Variants in CALB2 observed in about 807,000 individuals in gnomAD.
CALB2 encodes calbindin 2.
In CALB2, 34 loss-of-function variants were observed where a neutral mutation model predicts 45.9. That is an observed-to-expected ratio of 0.74 (90% confidence interval 0.56 to 0.99). The LOEUF is 0.99. CALB2 is among the 50% of genes least tolerant of loss of function. The pLI, the probability that CALB2 is intolerant of heterozygous loss-of-function variation, is 0.00. For synonymous variants in CALB2, 142 were observed against 129.6 expected (o/e 1.10, Z -0.65); for missense variants, 344 against 339.3 (o/e 1.01, Z -0.11).
At chr16:71,373,092 C>A (rs2042371309) in intron 2 of CALB2, among the ~76,000 whole-genome samples, 1 of 152,172 alleles carries the variant, frequency 6.6e-6, no homozygotes, top group African/African-American at 2.4e-5. Context: ...TGAAATACTG[C>A]AAAGCTCAGG....
intron 1 of CALB2, among the ~76,000 whole-genome samples, chr16:71,361,653 A>G (rs143535836): frequency 3.9e-4 from 59 of 152,260 alleles, no homozygotes; most frequent in African/African-American, 1.3e-3. Flanking sequence ...GTAGTAAACA[A>G]AGACAAAGAG....
chr16:71,372,443 C>T (rs2042363286), intron 2 of CALB2, among the ~76,000 whole-genome samples: 1 of 152,132 alleles, frequency 6.6e-6, no homozygotes, highest in Non-Finnish European at 1.5e-5. Context: ...TGAGTGGACA[C>T]CAGGGGTTGA....
intron 4 of CALB2, among the ~76,000 whole-genome samples, chr16:71,381,024 C>T (rs1008851996): frequency 7.2e-5 from 11 of 152,152 alleles, no homozygotes; most frequent in African/African-American, 2.2e-4. Flanking sequence ...GGTGCATGGT[C>T]GGAAGTGGAC....
rs117803029 is a variant in CALB2 at position 71,381,691 on chromosome 16, G to A, written c.343-1028G>A. On this transcript the variant is annotated intron_variant, in intron 4 of 10. Coordinates refer to ENST00000302628, the MANE Select transcript of CALB2 (RefSeq NM_001740.5). ...TGTAGTTTGGAGCTGGGGGAGAAGC[G>A]AAGAAAAGTCAGGAGAACAAAACTT... Among the ~76,000 whole-genome samples the A allele has an allele frequency of 1.3e-3, 195 of 151,924 alleles. 3 individuals are homozygous for A. In the East Asian group the frequency reaches 0.031, roughly 24 times the overall value.
intron 9 of CALB2, 47 bp downstream of exon 9, chr16:71,384,883 C>T (rs2042552637): frequency 1.3e-6 from 2 of 1,533,504 alleles, no homozygotes; most frequent in Non-Finnish European, 1.8e-6. Flanking sequence ...AGCCCATCAG[C>T]CCGTCCAGAA....
intron 3 of CALB2, among the ~76,000 whole-genome samples, chr16:71,375,843 A>G (rs143998024): frequency 3.8e-4 from 58 of 152,178 alleles, no homozygotes; most frequent in Non-Finnish European, 7.6e-4. Context: ...GGTCTGTTGT[A>G]CCCCTGTGTC....
intron 2 of CALB2, among the ~76,000 whole-genome samples, chr16:71,373,736 G>A (rs1363160780): frequency 6.6e-6 from 1 of 152,194 alleles, no homozygotes; most frequent in Non-Finnish European, 1.5e-5. Context: ...TGTGTCAAAT[G>A]GAAGGGCTAC....
rs145523634 is a variant in CALB2, at chr16:71,372,219, G to A, written c.161G>A (p.Gly54Asp). The A allele has an allele frequency of 5.3e-5, 86 of 1,612,472 alleles. No homozygotes were observed. In the South Asian group the frequency reaches 8.5e-4, roughly 16 times the overall value. ...FFQELEKARKGSGMMSKSDNF... is the reference protein window; with the variant it reads ...FFQELEKARKDSGMMSKSDNF... ...CAAGAGCTGGAGAAGGCAAGGAAAG[G>A]CTCTGGCATGGTAAGCCCAGCCCTG... is the stretch of plus-strand genomic sequence containing the variant. The change falls in exon 2 of 11, where the codon GGC becomes GAC. Residue 54 changes from glycine to aspartate, a missense_variant. This residue lies in a region of CALB2 where 77 missense variants were observed against 80.5 expected (regional missense o/e 0.96). Transcript: ENST00000302628.
At chr16:71,359,328 G>T (rs2042215015) in intron 1 of CALB2, among the ~76,000 whole-genome samples, 1 of 152,180 alleles carries the variant, frequency 6.6e-6, no homozygotes, top group Non-Finnish European at 1.5e-5. Flanking sequence ...GATAAATTAG[G>T]GGATCCTGAA....
At chr16:71,389,199 A>G (rs1171016408) in intron 10 of CALB2, among the ~76,000 whole-genome samples, 1 of 152,072 alleles carries the variant, frequency 6.6e-6, no homozygotes, top group Admixed American at 6.6e-5. Context: ...AAATAAAAAA[A>G]ATAAAAAAAA....
chr16:71,375,081 A>G (rs2042395064), intron 3 of CALB2, among the ~76,000 whole-genome samples: 1 of 152,254 alleles, frequency 6.6e-6, no homozygotes, highest in Non-Finnish European at 1.5e-5. Context: ...AGGGGCCAAC[A>G]GGTATTGTAA....
At chr16:71,384,746 G>A (rs779218065) in intron 8 of CALB2, 37 bp from the exon 9 acceptor site, 33 of 1,102,984 alleles carry the variant, frequency 3.0e-5, no homozygotes, top group South Asian at 8.0e-5. Context: ...ACACCACTGC[G>A]CTTCTGCTTC....
At chr16:71,371,510 G>A (rs911812746) in intron 1 of CALB2, among the ~76,000 whole-genome samples, 3 of 152,136 alleles carry the variant, frequency 2.0e-5, no homozygotes, top group Non-Finnish European at 2.9e-5. Flanking sequence ...TCTGCTCCCT[G>A]CCTCCCTCCT....
At chr16:71,386,720 C>G (rs2042575304) in intron 10 of CALB2, among the ~76,000 whole-genome samples, 1 of 152,202 alleles carries the variant, frequency 6.6e-6, no homozygotes, top group Non-Finnish European at 1.5e-5. Flanking sequence ...TCTACAATTC[C>G]TTGAGTTGTC....
At chr16:71,375,351 C>T (rs909438515) in intron 3 of CALB2, among the ~76,000 whole-genome samples, 15 of 152,108 alleles carry the variant, frequency 9.9e-5, no homozygotes, top group African/African-American at 3.4e-4. Flanking sequence ...CATACACTCA[C>T]ACATACTCAT....
At chr16:71,372,629 T>G (rs2042365986) in intron 2 of CALB2, among the ~76,000 whole-genome samples, 3 of 152,192 alleles carry the variant, frequency 2.0e-5, no homozygotes, top group African/African-American at 7.2e-5. Context: ...CCAGAGTTTC[T>G]CAGCCTCAGC....
Position 71,385,711 on chromosome 16 carries a change from G to C in CALB2, c.699+63G>C, listed in dbSNP as rs182995807. On this transcript the variant is annotated intron_variant, in intron 10 of 10. Coordinates refer to ENST00000302628, the MANE Select transcript of CALB2 (RefSeq NM_001740.5). ...GGGCACAGGAGAGGCTTCTGCAGGA[G>C]AGGAGGGGAAAGGTGCCTGGTCCTG... is the stretch of plus-strand genomic sequence containing the variant. The C allele has an allele frequency of 4.0e-3, 5,631 of 1,394,680 alleles. 47 individuals are homozygous for C. In the Middle Eastern group the frequency reaches 0.041, roughly 10 times the overall value. The allele number at this position is 1,394,680 out of a possible 1,614,324, so 86.4% of individuals were successfully genotyped here. A position where few individuals can be genotyped will look rare whatever the true frequency, so the allele number is the denominator to read the frequency against.
At chr16:71,359,966 C>CT (rs1182729131) in intron 1 of CALB2, among the ~76,000 whole-genome samples, 1 of 152,248 alleles carries the variant, frequency 6.6e-6, no homozygotes, top group Non-Finnish European at 1.5e-5. Flanking sequence ...AAGACAGATG[C>CT]TGTCTCCAGA....
chr16:71,383,839 G>A lies in CALB2; in HGVS notation c.478-131G>A, dbSNP rs981433017. Reference sequence around the variant, plus strand: ...ACTGATTTAGCCCATGTTGGTTCTTGGCCCCTACGGACCTCAGAGGAAGCA... The same window carrying A: ...ACTGATTTAGCCCATGTTGGTTCTTAGCCCCTACGGACCTCAGAGGAAGCA... On this transcript the variant is annotated intron_variant, in intron 6 of 10. Coordinates refer to ENST00000302628, the MANE Select transcript of CALB2 (RefSeq NM_001740.5). 7 of 1,030,240 alleles carry A rather than the reference G, an allele frequency of 6.8e-6. No individual in the cohort carries two copies. The African/African-American group carries it at 7.8e-5, about 12-fold the overall frequency. 63.8% of individuals were successfully genotyped at this position (1,030,240 alleles called of 1,614,324 possible). A position where few individuals can be genotyped will look rare whatever the true frequency, so the allele number is the denominator to read the frequency against.
Sources: allele counts gnomAD v4.1 joint callset (sites outside exome capture counted in the v4.1 genomes callset), GRCh38; gene constraint gnomAD v4.1.1; regional missense constraint gnomAD v4.1.1; transcripts MANE v1.5; gene names NCBI Gene and HGNC (gene_info 2026-07-23, HGNC 2026-07-21).